The following SLC12A6 variants were observed in gnomAD, a reference collection of about 807,000 sequenced individuals.
The protein encoded by SLC12A6 is solute carrier family 12 member 6, also known as K-Cl cotransporter 3.
A neutral mutation model predicts 135.3 loss-of-function variants in SLC12A6; 66 were observed. That is an observed-to-expected ratio of 0.49 (90% CI 0.40 to 0.60). The LOEUF (loss-of-function observed/expected upper bound fraction) is 0.60. SLC12A6 is among the 20% of genes least tolerant of loss of function. The pLI, the probability that SLC12A6 is intolerant of heterozygous loss-of-function variation, is 0.00. For missense variants in SLC12A6, 1,058 were observed against 1,452.3 expected, an observed-to-expected ratio of 0.73 and a Z score of 4.41; for synonymous variants, 513 against 508.8, an observed-to-expected ratio of 1.01 and a Z score of -0.11.
At chr15:34,313,948 G>GAA (rs539393779) in intron 2 of SLC12A6, among the ~76,000 whole-genome samples, 1,581 of 82,108 alleles carry the variant, frequency 0.019, 14 homozygotes, top group Middle Eastern at 0.087. Context: ...TCTTAAAAAC[G>GAA]AAAAAAAAAA....
At chr15:34,301,262 C>T (rs1198933836) in intron 2 of SLC12A6, among the ~76,000 whole-genome samples, 1 of 152,124 alleles carries the variant, frequency 6.6e-6, no homozygotes, top group Non-Finnish European at 1.5e-5. Flanking sequence ...TGTTTGTTAA[C>T]TGACTCATGT....
At chr15:34,250,182 G>C in intron 13 of SLC12A6, 116 bp downstream of exon 13, 1 of 782,464 alleles carries the variant, frequency 1.3e-6, no homozygotes. Context: ...CGGGATTACA[G>C]GCATGAGCCA....
chr15:34,323,767 A>G (rs1195831504), intron 2 of SLC12A6, among the ~76,000 whole-genome samples: 1 of 152,254 alleles, frequency 6.6e-6, no homozygotes, highest in East Asian at 1.9e-4. Flanking sequence ...CCTGGGCAAC[A>G]TGGCGAAACC....
At chr15:34,336,854 C>A in intron 1 of SLC12A6, 102 bp from the exon 2 acceptor site, 1 of 652,896 alleles carries the variant, frequency 1.5e-6, no homozygotes. Flanking sequence ...AGAATTCAAG[C>A]CGACTGTCCT....
intron 2 of SLC12A6, among the ~76,000 whole-genome samples, chr15:34,330,844 C>T (rs146366108): frequency 0.012 from 1,799 of 152,102 alleles, 14 homozygotes; most frequent in Middle Eastern, 0.037. Flanking sequence ...AGGTAATAGT[C>T]CATCCTGGCC....
chr15:34,263,990 G>A (rs193195390), intron 3 of SLC12A6, among the ~76,000 whole-genome samples: 1 of 150,982 alleles, frequency 6.6e-6, no homozygotes, highest in African/African-American at 2.4e-5. Flanking sequence ...TCTGAAAAAT[G>A]ACATTAATAA....
At chr15:34,320,571 G>A (rs1342764512) in intron 2 of SLC12A6, among the ~76,000 whole-genome samples, 2 of 151,716 alleles carry the variant, frequency 1.3e-5, no homozygotes, top group Non-Finnish European at 1.5e-5. Flanking sequence ...ATTTATGCTA[G>A]CAAGAATACT....
At chr15:34,279,081 C>T (rs1030662183) in intron 2 of SLC12A6, among the ~76,000 whole-genome samples, 2 of 151,664 alleles carry the variant, frequency 1.3e-5, no homozygotes, top group East Asian at 3.9e-4. Context: ...CTTTGGGAAG[C>T]TGAGGCGGGT....
chr15:34,297,383 C>G (rs759521898), intron 2 of SLC12A6, among the ~76,000 whole-genome samples: 1 of 152,108 alleles, frequency 6.6e-6, no homozygotes, highest in Non-Finnish European at 1.5e-5. Context: ...AGAAAGATTA[C>G]AAAGGTAGTC....
At chr15:34,276,847 C>A (rs911192653) in intron 2 of SLC12A6, among the ~76,000 whole-genome samples, 6 of 152,138 alleles carry the variant, frequency 3.9e-5, no homozygotes, top group African/African-American at 1.4e-4. Flanking sequence ...ACACTTTAAG[C>A]ATCCCAGACA....
chr15:34,238,218 G>C lies in SLC12A6; in HGVS notation c.2802+14C>G. The C allele has an allele frequency of 6.3e-7, 1 of 1,596,738 alleles. No individual in the cohort carries two copies. The highest frequency in any genetic ancestry group is 8.6e-7 in the Non-Finnish European group (1 of 1,164,158). On this transcript the variant is annotated intron_variant, in intron 21 of 25. Coordinates refer to ENST00000354181, the MANE Select transcript of SLC12A6 (RefSeq NM_001365088.1). ...GGAGAAAGACTTTTGTAAAAAAAAA[G>C]TTGTATAAAATACCTTGTGCTGTTT...
At chr15:34,289,558 C>T (rs1426580316) in intron 2 of SLC12A6, among the ~76,000 whole-genome samples, 2 of 152,220 alleles carry the variant, frequency 1.3e-5, no homozygotes, top group African/African-American at 2.4e-5. Flanking sequence ...GGAATGGTAT[C>T]AGCTCTTCTT....
chr15:34,266,296 A>C (rs539115730), intron 3 of SLC12A6, among the ~76,000 whole-genome samples: 3 of 152,300 alleles, frequency 2.0e-5, no homozygotes, highest in African/African-American at 7.2e-5. Context: ...GTATCAGATA[A>C]ATTTATGAGA....
intron 2 of SLC12A6, chr15:34,318,777 T>A: frequency 1.9e-6 from 3 of 1,586,218 alleles, no homozygotes; most frequent in Non-Finnish European, 8.6e-7. Context: ...CAGACTGTGA[T>A]CCCTGCCTAC....
chr15:34,259,804 A>C (rs1384451552), intron 4 of SLC12A6, among the ~76,000 whole-genome samples: 1 of 152,234 alleles, frequency 6.6e-6, no homozygotes, highest in Non-Finnish European at 1.5e-5. Flanking sequence ...AAGATATAGA[A>C]GTCCTCTTCA....
chr15:34,309,143 G>C lies in SLC12A6; in HGVS notation c.271+27267C>G, dbSNP rs1373751445. On this transcript the variant is annotated intron_variant, in intron 2 of 25. Coordinates refer to ENST00000354181, the MANE Select transcript of SLC12A6 (RefSeq NM_001365088.1). ...TCACCATGCTCAACAATGGTAGTTGGTATTTTTACTGAAATGTTGATGACA... is the reference window on the plus strand; with the variant it reads ...TCACCATGCTCAACAATGGTAGTTGCTATTTTTACTGAAATGTTGATGACA... Among the ~76,000 whole-genome samples the C allele has an allele frequency of 2.6e-5, 4 of 152,094 alleles. No homozygotes were observed. The East Asian group carries it at 7.7e-4, about 29-fold the overall frequency.
In SLC12A6 at chr15:34,245,673, C is replaced by A. The variant is rs755860751; in HGVS notation, c.1824+20G>T. 2.5e-6 allele frequency: 4 copies of A among 1,593,026 alleles called. No individual in the cohort carries two copies. Among genetic ancestry groups the A allele is most frequent in the Non-Finnish European group, 3.4e-6 (4 of 1,161,084 alleles). On this transcript the variant is annotated intron_variant, in intron 14 of 25. Coordinates refer to ENST00000354181, the MANE Select transcript of SLC12A6 (RefSeq NM_001365088.1). ...TAAAGCTGGGAAAAAAAGAAGAGGG[C>A]ATAATAAAAGGTCACTCACCCTCAG...
chr15:34,326,850 A>C (rs1293606423), intron 2 of SLC12A6, among the ~76,000 whole-genome samples: 1 of 139,080 alleles, frequency 7.2e-6, no homozygotes, highest in Admixed American at 7.1e-5. Flanking sequence ...CACCACCACA[A>C]CTGGCTGCTT....
chr15:34,310,563 G>A (rs1302766005), intron 2 of SLC12A6, among the ~76,000 whole-genome samples: 1 of 115,566 alleles, frequency 8.7e-6, no homozygotes, highest in African/African-American at 4.3e-5. Flanking sequence ...GTGTGTGTGT[G>A]TGTGTGTATG....
Sources: allele counts gnomAD v4.1 joint callset (sites outside exome capture counted in the v4.1 genomes callset), GRCh38; gene constraint gnomAD v4.1.1; transcripts MANE v1.5; gene names NCBI Gene and HGNC (gene_info 2026-07-23, HGNC 2026-07-21).